The following DIS3L2 variants were observed in gnomAD, a reference collection of about 807,000 sequenced individuals.
The protein encoded by DIS3L2 is DIS3-like exonuclease 2.
In DIS3L2, 34 loss-of-function variants were observed where a neutral mutation model predicts 97.5. The ratio of observed to expected loss-of-function variants is 0.35; its 90% confidence interval spans 0.27 to 0.46. The LOEUF is 0.46. Among genes scored for constraint, DIS3L2 ranks in the 20% least tolerant of loss-of-function variants. The pLI is 1.00. For synonymous variants in DIS3L2, 435 were observed against 445.2 expected (o/e 0.98, Z 0.29); for missense variants, 1,038 against 1,146.0 (o/e 0.91, Z 1.36).
chr2:232,081,208 A>T (rs1208916755), intron 5 of DIS3L2, among the ~76,000 whole-genome samples: 1 of 152,150 alleles, frequency 6.6e-6, no homozygotes, highest in African/African-American at 2.4e-5. Context: ...GATATAGTGA[A>T]TCAGGAAGCA....
chr2:232,341,550 C>T (rs76267177), downstream of DIS3L2, among the ~76,000 whole-genome samples: 473 of 152,236 alleles, frequency 3.1e-3, no homozygotes, highest in African/African-American at 0.01. Flanking sequence ...ATAGAAATGC[C>T]GAGTCAGGAT....
chr2:232,330,702 C>T lies in DIS3L2; in HGVS notation c.1936C>T (p.Gln646Ter). ...GATTTGCTTCTAGAAAAGCCTGACC[C>T]AAACATTTGGAGATGACAAGTACTC... is the stretch of plus-strand genomic sequence containing the variant. ...SAGALNKSLT[Q>*]TFGDDKYSLA... The change falls in exon 16 of 21, where the codon CAA becomes TAA. Residue 646 changes from glutamine (Q) to a stop codon, truncating the protein, a stop_gained. Coordinates refer to ENST00000325385, the MANE Select transcript of DIS3L2 (RefSeq NM_152383.5). LOFTEE classifies it high-confidence loss of function. The T allele has an allele frequency of 6.2e-7, 1 of 1,614,006 alleles. No homozygotes were observed. Among genetic ancestry groups the T allele is most frequent in the African/African-American group, 1.3e-5 (1 of 75,060 alleles).
intron 20 of DIS3L2, 153 bp from the exon 21 acceptor site, chr2:232,336,316 C>T: frequency 6.5e-7 from 1 of 1,547,462 alleles, no homozygotes; most frequent in Non-Finnish European, 8.7e-7. Flanking sequence ...CCAGGGCATT[C>T]TTCCTGGAGG....
chr2:232,147,801 G>A (rs1463776007), intron 8 of DIS3L2, among the ~76,000 whole-genome samples: 1 of 152,142 alleles, frequency 6.6e-6, no homozygotes. Flanking sequence ...CCTTCTGCAA[G>A]ACAAATACAC....
At chr2:232,170,337 T>C (rs1690946900) in intron 9 of DIS3L2, among the ~76,000 whole-genome samples, 1 of 151,936 alleles carries the variant, frequency 6.6e-6, no homozygotes, top group Non-Finnish European at 1.5e-5. Context: ...ACCTAAATAT[T>C]GGAGGGGGAA....
At chr2:232,094,237 A>T (rs1221951047) in intron 6 of DIS3L2, among the ~76,000 whole-genome samples, 1 of 152,192 alleles carries the variant, frequency 6.6e-6, no homozygotes, top group Non-Finnish European at 1.5e-5. Context: ...GTGATCTAAC[A>T]TATGGTCTGT....
At chr2:232,075,129 T>G (rs2106291483) in intron 5 of DIS3L2, among the ~76,000 whole-genome samples, 1 of 152,318 alleles carries the variant, frequency 6.6e-6, no homozygotes, top group African/African-American at 2.4e-5. Context: ...GATGATTTCC[T>G]TCAGTGTCCA....
At chr2:232,230,967 T>A (rs3103277) in intron 10 of DIS3L2, among the ~76,000 whole-genome samples, 33,175 of 152,020 alleles carry the variant, frequency 0.22, 4,375 homozygotes, top group South Asian at 0.47. Flanking sequence ...CCCCATGTCA[T>A]CACGTGACAT....
intron 1 of DIS3L2, among the ~76,000 whole-genome samples, chr2:231,979,109 T>C (rs1397101075): frequency 6.6e-6 from 1 of 152,166 alleles, no homozygotes; most frequent in Non-Finnish European, 1.5e-5. Flanking sequence ...TTATGACATC[T>C]GTATTTTGCG....
At chr2:232,063,968 G>T (rs942669240) in intron 5 of DIS3L2, among the ~76,000 whole-genome samples, 2 of 152,066 alleles carry the variant, frequency 1.3e-5, no homozygotes, top group Non-Finnish European at 2.9e-5. Flanking sequence ...TTGGCTTGTA[G>T]TTTGGGTGTT....
intron 14 of DIS3L2, among the ~76,000 whole-genome samples, chr2:232,304,616 CCTT>C (rs1694942070): frequency 6.6e-6 from 1 of 152,220 alleles, no homozygotes; most frequent in Non-Finnish European, 1.5e-5. Context: ...CGGCTACCCT[CCTT>C]CTCACTGCCA....
intron 6 of DIS3L2, among the ~76,000 whole-genome samples, chr2:232,093,206 T>G (rs1225130118): frequency 6.6e-6 from 1 of 152,190 alleles, no homozygotes; most frequent in African/African-American, 2.4e-5. Flanking sequence ...GGTTTGCGTA[T>G]GTTGAGCCAT....
At chr2:232,194,900 C>G (rs764384270) in intron 9 of DIS3L2, among the ~76,000 whole-genome samples, 8 of 152,162 alleles carry the variant, frequency 5.3e-5, no homozygotes, top group Non-Finnish European at 1.2e-4. Flanking sequence ...GCACTCCATT[C>G]TTCACTATGT....
downstream of DIS3L2, among the ~76,000 whole-genome samples, chr2:232,338,697 C>CCCT (rs112975098): frequency 0.11 from 17,271 of 151,464 alleles, 352 homozygotes; most frequent in African/African-American, 0.25. Flanking sequence ...CCGAGCCCCG[C>CCCT]GTCTGCATTC....
intron 17 of DIS3L2, 139 bp downstream of exon 17, chr2:232,334,126 C>A: frequency 7.2e-7 from 1 of 1,386,332 alleles, no homozygotes; most frequent in Non-Finnish European, 9.5e-7. Context: ...TGCAGGGGAG[C>A]CTGGCCTGGA....
intron 3 of DIS3L2, 21 bp downstream of exon 3, chr2:232,015,692 G>A (rs1460310443): frequency 2.5e-6 from 4 of 1,611,970 alleles, no homozygotes; most frequent in Non-Finnish European, 3.4e-6. Flanking sequence ...TCTACTGGAA[G>A]GCTATTCTCT....
intron 13 of DIS3L2, among the ~76,000 whole-genome samples, chr2:232,264,670 C>T (rs11886204): frequency 0.022 from 3,284 of 152,318 alleles, 105 homozygotes; most frequent in African/African-American, 0.072. Context: ...GACTTCTTTC[C>T]CTGAGCCTGT....
At chr2:232,328,132 C>T (rs892200554) in intron 14 of DIS3L2, among the ~76,000 whole-genome samples, 2 of 152,190 alleles carry the variant, frequency 1.3e-5, no homozygotes, top group Non-Finnish European at 2.9e-5. Context: ...CCGTTACTGC[C>T]ACCCAGAGGG....
chr2:232,247,923 T>A (rs1199399172), intron 11 of DIS3L2, among the ~76,000 whole-genome samples: 1 of 152,154 alleles, frequency 6.6e-6, no homozygotes, highest in Non-Finnish European at 1.5e-5. Context: ...TCAAAGGTAG[T>A]TGTCTGTAAA....
Sources: gnomAD v4.1 joint callset for allele counts (sites outside exome capture counted in the v4.1 genomes callset) on GRCh38, gnomAD v4.1.1 for gene constraint, MANE v1.5 for transcripts, NCBI Gene and HGNC (gene_info 2026-07-23, HGNC 2026-07-21) for gene names.